The following CAB39L variants were observed in gnomAD, a reference collection of about 807,000 sequenced individuals.
CAB39L encodes the protein calcium-binding protein 39-like.
A neutral mutation model predicts 39.1 loss-of-function variants in CAB39L; 23 were observed. The observed-to-expected ratio is 0.59, with a 90% CI of 0.42 to 0.83. CAB39L has a LOEUF of 0.83. Ranked by LOEUF, CAB39L falls within the 40% of genes least tolerant of loss-of-function variation. CAB39L has a pLI of 0.00. For synonymous variants in CAB39L, 126 were observed against 137.2 expected (o/e 0.92, Z 0.57); for missense variants, 366 against 391.9 (o/e 0.93, Z 0.56).
chr13:49,430,122 C>T (rs561321606), intron 3 of CAB39L, among the ~76,000 whole-genome samples: 2 of 152,176 alleles, frequency 1.3e-5, no homozygotes, highest in South Asian at 2.1e-4. Flanking sequence ...AGCTATAATA[C>T]TTATTCTCCT....
chr13:49,401,422 T>C (rs1301352163), intron 3 of CAB39L: 1 of 152,246 alleles, frequency 6.6e-6, no homozygotes. Flanking sequence ...TTCCACTCTC[T>C]TTGCTTGCTC....
intron 10 of CAB39L, among the ~76,000 whole-genome samples, chr13:49,323,395 G>A (rs565335581): frequency 1.3e-5 from 2 of 152,252 alleles, no homozygotes; most frequent in East Asian, 3.9e-4. Flanking sequence ...TCATCACTGA[G>A]CTTTTAGCCA....
intron 9 of CAB39L, among the ~76,000 whole-genome samples, chr13:49,332,583 C>A (rs1954739762): frequency 6.6e-6 from 1 of 152,018 alleles, no homozygotes; most frequent in African/African-American, 2.4e-5. Context: ...AAAAAATTGA[C>A]CCCAAATCTG....
intron 3 of CAB39L, among the ~76,000 whole-genome samples, chr13:49,396,276 A>G (rs534887544): frequency 2.6e-5 from 4 of 152,284 alleles, no homozygotes; most frequent in Admixed American, 6.5e-5. Flanking sequence ...TTTTCCTCAC[A>G]TAAGTTTATT....
chr13:49,376,979 C>G lies in CAB39L; in HGVS notation c.264G>C (p.Leu88=), dbSNP rs1346059223. 1 of 1,608,820 alleles carries G rather than the reference C, an allele frequency of 6.2e-7. No homozygotes were observed. The highest frequency in any genetic ancestry group is 2.2e-5 in the East Asian group (1 of 44,874). The change falls in exon 5 of 11, where the codon CTG becomes CTC. Residue 88 remains leucine, a synonymous_variant. Transcript: ENST00000409308. ...ACAGCTGGCTTACCTCAAAGTCTATCAGCTGCAGGTCAGCTATCAGTGTCA... is the reference window on the plus strand; with the variant it reads ...ACAGCTGGCTTACCTCAAAGTCTATGAGCTGCAGGTCAGCTATCAGTGTCA... The part of the protein sequence containing the change: ...LLVTLIADLQ[L]IDFEGKKDVT...
chr13:49,371,409 C>T (rs530196303), intron 5 of CAB39L, among the ~76,000 whole-genome samples: 7 of 152,180 alleles, frequency 4.6e-5, no homozygotes, highest in Non-Finnish European at 1.0e-4. Context: ...AGGCTGGTCT[C>T]GAACTCCTGA....
intron 5 of CAB39L, among the ~76,000 whole-genome samples, chr13:49,362,661 G>C (rs1446215483): frequency 6.6e-6 from 1 of 151,824 alleles, no homozygotes; most frequent in Non-Finnish European, 1.5e-5. Flanking sequence ...GGTAGAAAAA[G>C]AGATAGGGGT....
chr13:49,321,574 G>A (rs1954342594), intron 10 of CAB39L, among the ~76,000 whole-genome samples: 1 of 152,144 alleles, frequency 6.6e-6, no homozygotes, highest in Non-Finnish European at 1.5e-5. Context: ...GCTGTGCTGG[G>A]TGCTTCCGCT....
chr13:49,380,754 G>C (rs746965029), intron 4 of CAB39L, among the ~76,000 whole-genome samples: 5 of 152,098 alleles, frequency 3.3e-5, no homozygotes, highest in African/African-American at 9.7e-5. Context: ...ATATTTTAAA[G>C]AAATATACTT....
chr13:49,427,936 G>A (rs1314854603), intron 3 of CAB39L, among the ~76,000 whole-genome samples: 2 of 152,032 alleles, frequency 1.3e-5, no homozygotes, highest in African/African-American at 4.8e-5. Flanking sequence ...CTCTTACAAG[G>A]ACACTAATCT....
intron 10 of CAB39L, among the ~76,000 whole-genome samples, chr13:49,313,257 G>A (rs772677253): frequency 1.3e-5 from 2 of 152,056 alleles, no homozygotes; most frequent in Non-Finnish European, 2.9e-5. Context: ...CGAGGTGGGC[G>A]GATCACGAAG....
Position 49,339,863 on chromosome 13 carries a change from T to C in CAB39L, c.625-121A>G, listed in dbSNP as rs989780977. On this transcript the variant is annotated intron_variant, in intron 8 of 10. Transcript: ENST00000409308. The stretch of plus-strand genomic sequence containing the variant: ...TTCTGGCCATTTTACCATCCTTCTT[T>C]ACATGTGAAGACACTGGGGGACAGG... The C allele has an allele frequency of 1.3e-5, 15 of 1,194,966 alleles. 1 individual carries two copies. Among genetic ancestry groups the C allele is most frequent in the Middle Eastern group, 2.5e-4 (1 of 4,060 alleles). The allele number at this position is 1,194,966 out of a possible 1,614,324, so 74.0% of individuals were successfully genotyped here.
intron 10 of CAB39L, among the ~76,000 whole-genome samples, chr13:49,322,968 C>G (rs1954394497): frequency 6.6e-6 from 1 of 152,172 alleles, no homozygotes; most frequent in South Asian, 2.1e-4. Context: ...CCTCAAGTAC[C>G]ACTGTTAAAT....
At chr13:49,391,751 G>A (rs1278344293) in intron 3 of CAB39L, among the ~76,000 whole-genome samples, 1 of 151,946 alleles carries the variant, frequency 6.6e-6, no homozygotes, top group Non-Finnish European at 1.5e-5. Flanking sequence ...GCAACCACCA[G>A]AAGGGGGAAA....
At chr13:49,358,157 CCTAA>C (rs971551761) in intron 6 of CAB39L, among the ~76,000 whole-genome samples, 3 of 152,124 alleles carry the variant, frequency 2.0e-5, no homozygotes, top group Admixed American at 6.5e-5. Context: ...CTTTGTATCC[CCTAA>C]CTAATAGATG....
At chr13:49,380,367 A>G (rs1356225155) in intron 4 of CAB39L, among the ~76,000 whole-genome samples, 1 of 152,218 alleles carries the variant, frequency 6.6e-6, no homozygotes, top group Non-Finnish European at 1.5e-5. Flanking sequence ...TTGTCAATCC[A>G]TTTATTCCTC....
At chr13:49,424,732 A>G (rs1461225123) in intron 3 of CAB39L, among the ~76,000 whole-genome samples, 2 of 152,202 alleles carry the variant, frequency 1.3e-5, no homozygotes, top group Admixed American at 6.5e-5. Flanking sequence ...CTTGAGAATT[A>G]ACTTCTCAGA....
intron 10 of CAB39L, among the ~76,000 whole-genome samples, chr13:49,325,370 A>G (rs577242530): frequency 5.9e-5 from 9 of 152,358 alleles, no homozygotes; most frequent in African/African-American, 2.2e-4. Context: ...TTACAATTTT[A>G]GGGGAAATTA....
At chr13:49,439,508 G>C (rs1472420365) in intron 1 of CAB39L, among the ~76,000 whole-genome samples, 1 of 152,186 alleles carries the variant, frequency 6.6e-6, no homozygotes, top group Non-Finnish European at 1.5e-5. Flanking sequence ...TGGACACATA[G>C]GTTGATTCCA....
Sources: allele counts gnomAD v4.1 joint callset (sites outside exome capture counted in the v4.1 genomes callset), GRCh38; gene constraint gnomAD v4.1.1; transcripts MANE v1.5; gene names NCBI Gene and HGNC (gene_info 2026-07-23, HGNC 2026-07-21).